The following AKAP13 variants were observed in gnomAD, a reference collection of about 807,000 sequenced individuals.
The protein encoded by AKAP13 is A-kinase anchor protein 13.
A neutral mutation model predicts 264.5 loss-of-function variants in AKAP13; 80 were observed. The ratio of observed to expected loss-of-function variants is 0.30; its 90% CI spans 0.25 to 0.36. The LOEUF is 0.36. Among genes scored for constraint, AKAP13 ranks in the 10% least tolerant of loss-of-function variants. The pLI, the probability that AKAP13 is intolerant of heterozygous loss-of-function variation, is 1.00. For synonymous variants in AKAP13, 1,380 were observed against 1,250.2 expected (o/e 1.10, Z -2.19); for missense variants, 3,712 against 3,435.2 (o/e 1.08, Z -2.01).
At chr15:85,592,756 G>T (rs1030956030) in intron 8 of AKAP13, among the ~76,000 whole-genome samples, 1 of 152,062 alleles carries the variant, frequency 6.6e-6, no homozygotes, top group African/African-American at 2.4e-5. Context: ...ATTATCAGCG[G>T]CTCCTAATAC....
rs201600905 is a variant in AKAP13 at position 85,655,603 on chromosome 15, C to G, written c.4561C>G (p.Arg1521Gly). The change falls in exon 11 of 37, where the codon CGA becomes GGA. Residue 1521 changes from arginine to glycine, a missense_variant. Transcript: ENST00000394518. ...CAGCCATGGGATGGGAGCTGAGGGT[C>G]GAGAAAGTGAGAGTGAGCCTGCTGA... ...FYSHGMGAEG[R>G]ESESEPADPG... 17 of 1,613,370 alleles carry G rather than the reference C, an allele frequency of 1.1e-5. No homozygotes were observed. The highest frequency in any genetic ancestry group is 2.2e-5 in the East Asian group (1 of 44,890).
chr15:85,397,026 G>C (rs1011520921), intron 1 of AKAP13, among the ~76,000 whole-genome samples: 4 of 139,394 alleles, frequency 2.9e-5, no homozygotes, highest in African/African-American at 1.1e-4. Context: ...ATTGAATTTG[G>C]TGATTCCCCC....
intron 4 of AKAP13, chr15:85,536,341 C>T (rs2077396674): frequency 6.6e-6 from 1 of 152,150 alleles, no homozygotes; most frequent in African/African-American, 2.4e-5. Flanking sequence ...CAAGTGCTGG[C>T]AAAGATGAAG....
intron 5 of AKAP13, among the ~76,000 whole-genome samples, chr15:85,553,807 A>G (rs2078046994): frequency 6.6e-6 from 1 of 152,198 alleles, no homozygotes; most frequent in Non-Finnish European, 1.5e-5. Context: ...CCTACTGTCC[A>G]GTCAGTGGTG....
At chr15:85,546,321 A>AAT (rs375341311) in intron 5 of AKAP13, among the ~76,000 whole-genome samples, 5,331 of 145,248 alleles carry the variant, frequency 0.037, 107 homozygotes, top group South Asian at 0.043. Context: ...GTTGTTACCA[A>AAT]ACACACACAC....
chr15:85,736,570 G>C (rs979911492), intron 33 of AKAP13, among the ~76,000 whole-genome samples: 5 of 152,124 alleles, frequency 3.3e-5, no homozygotes, highest in Non-Finnish European at 5.9e-5. Context: ...GCTAACTTTT[G>C]TATTTTTTGT....
intron 1 of AKAP13, among the ~76,000 whole-genome samples, chr15:85,431,422 GT>G: frequency 6.6e-6 from 1 of 152,314 alleles, no homozygotes; most frequent in East Asian, 1.9e-4. Context: ...AAGGGTAGTG[GT>G]AGTACATTCT....
intron 4 of AKAP13, among the ~76,000 whole-genome samples, chr15:85,540,847 G>A (rs2077560220): frequency 6.6e-6 from 1 of 152,206 alleles, no homozygotes; most frequent in Non-Finnish European, 1.5e-5. Context: ...GCATGCGGTG[G>A]ACTACTCAGC....
intron 1 of AKAP13, among the ~76,000 whole-genome samples, chr15:85,391,413 C>T (rs757552621): frequency 2.0e-5 from 3 of 151,792 alleles, no homozygotes; most frequent in Non-Finnish European, 4.4e-5. Context: ...GAGGCTACTG[C>T]AAAGTAGATG....
chr15:85,521,778 T>C (rs1244692131), intron 3 of AKAP13, among the ~76,000 whole-genome samples: 2 of 152,220 alleles, frequency 1.3e-5, no homozygotes, highest in South Asian at 2.1e-4. Context: ...TTTATGTATA[T>C]TACTGTTATG....
At chr15:85,735,998 A>G in intron 32 of AKAP13, 92 bp from the exon 33 acceptor site, 1 of 1,044,372 alleles carries the variant, frequency 9.6e-7, no homozygotes, top group Non-Finnish European at 1.5e-6. Flanking sequence ...GTGGTAGAAA[A>G]TGGAAAGCTA....
intron 2 of AKAP13, among the ~76,000 whole-genome samples, chr15:85,499,208 A>C (rs1229503671): frequency 1.3e-5 from 2 of 152,222 alleles, no homozygotes; most frequent in Non-Finnish European, 2.9e-5. Context: ...GGTGTGTACT[A>C]TCAAATACAG....
In AKAP13 at chr15:85,581,060, A is replaced by T. The variant is rs2079135241; in HGVS notation, c.2992A>T (p.Asn998Tyr). The change falls in exon 7 of 37, where the codon AAC becomes TAC. Residue 998 changes from asparagine to tyrosine, a missense_variant. Asn to Tyr is a moderately radical substitution (Grantham distance 143). This residue lies in a region of AKAP13 where 2,759 missense variants were observed against 2,411.7 expected (regional missense o/e 1.14). Coordinates refer to ENST00000394518, the MANE Select transcript of AKAP13 (RefSeq NM_007200.5). ...SAFLKAETEH[N>Y]KEVAPQVSLL... ...CTTTCTTAAGGCAGAAACTGAACAT[A>T]ACAAGGAAGTGGCCCCACAAGTCTC... 6.2e-7 allele frequency: 1 copy of T among 1,614,002 alleles called. No individual in the cohort carries two copies. The highest frequency in any genetic ancestry group is 8.5e-7 in the Non-Finnish European group (1 of 1,179,974).
At chr15:85,413,226 A>G (rs2072069106) in intron 1 of AKAP13, among the ~76,000 whole-genome samples, 2 of 152,238 alleles carry the variant, frequency 1.3e-5, no homozygotes, top group African/African-American at 4.8e-5. Context: ...CAGGTCACGT[A>G]GTCTTGTACT....
chr15:85,637,335 T>C (rs570458201), intron 8 of AKAP13, among the ~76,000 whole-genome samples: 7 of 152,380 alleles, frequency 4.6e-5, no homozygotes, highest in African/African-American at 1.7e-4. Flanking sequence ...AGAATAAGGC[T>C]ATTTAGATTA....
chr15:85,620,899 C>T (rs981865706), intron 8 of AKAP13, among the ~76,000 whole-genome samples: 1 of 152,140 alleles, frequency 6.6e-6, no homozygotes, highest in Non-Finnish European at 1.5e-5. Context: ...CTCCTCCAGC[C>T]GGTAAGATGA....
At chr15:85,527,621 C>T (rs930792783) in intron 3 of AKAP13, among the ~76,000 whole-genome samples, 16 of 152,208 alleles carry the variant, frequency 1.1e-4, no homozygotes, top group Admixed American at 1.3e-4. Context: ...CTAAAATGCT[C>T]ATGGTGAAAT....
chr15:85,744,347 C>G (rs1180996912), intron 36 of AKAP13: 1 of 419,644 alleles, frequency 2.4e-6, no homozygotes, highest in Non-Finnish European at 4.3e-6. Flanking sequence ...GGATTGATCT[C>G]TCCTTTCTGT....
At chr15:85,428,101 T>C (rs2072876961) in intron 1 of AKAP13, among the ~76,000 whole-genome samples, 1 of 152,134 alleles carries the variant, frequency 6.6e-6, no homozygotes, top group Admixed American at 6.5e-5. Context: ...AGTCTGGTTT[T>C]TTGCCTGTTT....
Sources: gnomAD v4.1 joint callset for allele counts (sites outside exome capture counted in the v4.1 genomes callset) on GRCh38, gnomAD v4.1.1 for gene constraint, gnomAD v4.1.1 regional missense constraint, MANE v1.5 for transcripts, NCBI Gene and HGNC (gene_info 2026-07-23, HGNC 2026-07-21) for gene names.